The following NTN4 variants were observed in gnomAD, a reference collection of about 807,000 sequenced individuals.
NTN4 encodes netrin-4.
NTN4 carries 32 observed loss-of-function variants against 73.6 expected under a neutral mutation model. The ratio of observed to expected loss-of-function variants is 0.44; its 90% CI spans 0.33 to 0.58. The LOEUF (loss-of-function observed/expected upper bound fraction) is 0.58. Ranked by LOEUF, NTN4 falls within the 20% of genes least tolerant of loss-of-function variation. The pLI is 0.04. For synonymous variants in NTN4, 258 were observed against 287.5 expected (o/e 0.90, Z 1.04); for missense variants, 654 against 798.3 (o/e 0.82, Z 2.18).
intron 2 of NTN4, among the ~76,000 whole-genome samples, chr12:95,771,220 A>G (rs1270357578): frequency 6.6e-6 from 1 of 151,910 alleles, no homozygotes; most frequent in African/African-American, 2.4e-5. Flanking sequence ...CGATCTCCTG[A>G]CCTCGAGATC....
chr12:95,728,262 A>C (rs1259234953), intron 3 of NTN4, among the ~76,000 whole-genome samples: 1 of 152,104 alleles, frequency 6.6e-6, no homozygotes, highest in African/African-American at 2.4e-5. Flanking sequence ...TTCCTTTCTA[A>C]TCTGAATGCT....
chr12:95,661,420 G>A (rs1171904649), intron 9 of NTN4, among the ~76,000 whole-genome samples: 1 of 152,168 alleles, frequency 6.6e-6, no homozygotes, highest in Admixed American at 6.5e-5. Context: ...ATCAGTTGGC[G>A]ATAAAGTCAT....
intron 2 of NTN4, among the ~76,000 whole-genome samples, chr12:95,741,430 TATATA>T (rs2078823726): frequency 1.8e-4 from 2 of 11,260 alleles, no homozygotes; most frequent in Admixed American, 5.5e-4. Flanking sequence ...GTATAAATTA[TATATA>T]TATATATATA....
intron 5 of NTN4, among the ~76,000 whole-genome samples, chr12:95,704,781 C>T (rs1421169463): frequency 6.6e-6 from 1 of 152,112 alleles, no homozygotes; most frequent in Non-Finnish European, 1.5e-5. Context: ...GGCATCTCTG[C>T]CCCAAATGTA....
chr12:95,761,785 C>A (rs1421265988), intron 2 of NTN4, among the ~76,000 whole-genome samples: 2 of 152,086 alleles, frequency 1.3e-5, no homozygotes, highest in Non-Finnish European at 2.9e-5. Flanking sequence ...TTAAGTCTAC[C>A]TAATTATATC....
At chr12:95,675,279 C>T (rs1045186867) in intron 7 of NTN4, among the ~76,000 whole-genome samples, 1 of 152,176 alleles carries the variant, frequency 6.6e-6, no homozygotes, top group African/African-American at 2.4e-5. Flanking sequence ...AACCATGATA[C>T]AGATGGGCAA....
At chr12:95,688,779 GA>G (rs3047215) in intron 5 of NTN4, among the ~76,000 whole-genome samples, 1,674 of 138,742 alleles carry the variant, frequency 0.012, 26 homozygotes, top group African/African-American at 0.039. Flanking sequence ...AGAAGGAGGA[GA>G]AAAAAAAAAA....
At chr12:95,729,632 A>AGTGTGTGTGTGT (rs758891542) in intron 3 of NTN4, among the ~76,000 whole-genome samples, 1 of 124,088 alleles carries the variant, frequency 8.1e-6, no homozygotes, top group East Asian at 2.3e-4. Flanking sequence ...AGAGAGAGAG[A>AGTGTGTGTGTGT]GTGTGTGTGT....
chr12:95,690,620 A>G (rs906902761), intron 5 of NTN4, among the ~76,000 whole-genome samples: 1 of 152,034 alleles, frequency 6.6e-6, no homozygotes, highest in Non-Finnish European at 1.5e-5. Flanking sequence ...ATTCATTTGG[A>G]TTATATAATA....
At position 95,658,268 on chromosome 12, in the gene NTN4, C is replaced by T. The variant is rs867688789; in HGVS notation, c.*818G>A. ...AAGCATATGTCTACATTTATGATTT[C>T]TTTCTCTTATTTTAAAGTCTCTTCT... On this transcript the variant is annotated 3_prime_UTR_variant, in exon 10 of 10. Transcript: ENST00000343702. 6.6e-6 allele frequency: 1 copy of T among 152,144 alleles called. No individual in the cohort carries two copies. The highest frequency in any genetic ancestry group is 6.6e-5 in the Admixed American group (1 of 15,262). The allele number at this position is 152,144 out of a possible 1,614,324, so 9.4% of individuals were successfully genotyped here.
chr12:95,682,333 C>T (rs1168994972), intron 7 of NTN4, among the ~76,000 whole-genome samples: 3 of 151,832 alleles, frequency 2.0e-5, no homozygotes, highest in East Asian at 1.9e-4. Context: ...GGATTATACT[C>T]ACCCCACTCA....
intron 2 of NTN4, among the ~76,000 whole-genome samples, chr12:95,768,973 A>G (rs887828805): frequency 6.6e-6 from 1 of 152,146 alleles, no homozygotes; most frequent in African/African-American, 2.4e-5. Context: ...CCATGTATAC[A>G]TCTATTTTCT....
At chr12:95,751,415 G>A (rs1400707119) in intron 2 of NTN4, among the ~76,000 whole-genome samples, 19 of 152,120 alleles carry the variant, frequency 1.2e-4, no homozygotes, top group South Asian at 4.1e-4. Flanking sequence ...GCGGCCAGGC[G>A]TTCCTCCAGA....
At chr12:95,750,606 T>C (rs993133666) in intron 2 of NTN4, among the ~76,000 whole-genome samples, 8 of 152,204 alleles carry the variant, frequency 5.3e-5, no homozygotes, top group Non-Finnish European at 1.0e-4. Context: ...GGCATTCTTT[T>C]ACACATCAGT....
At chr12:95,693,100 T>C (rs1026424252) in intron 5 of NTN4, among the ~76,000 whole-genome samples, 2 of 152,200 alleles carry the variant, frequency 1.3e-5, no homozygotes, top group Non-Finnish European at 2.9e-5. Flanking sequence ...CAAAGGGTTA[T>C]TGAACTTTAA....
chr12:95,665,275 TTTTG>T (rs1277879313), intron 9 of NTN4, among the ~76,000 whole-genome samples: 33 of 152,334 alleles, frequency 2.2e-4, no homozygotes, highest in African/African-American at 7.2e-4. Flanking sequence ...ACAGTTTTTG[TTTTG>T]TTTATTTCTG....
intron 3 of NTN4, among the ~76,000 whole-genome samples, chr12:95,735,057 A>G (rs953820185): frequency 9.2e-5 from 14 of 152,168 alleles, no homozygotes; most frequent in African/African-American, 3.4e-4. Context: ...AAAACAAAAC[A>G]AAAACCACAT....
At chr12:95,778,473 A>T (rs1242214764) in intron 2 of NTN4, among the ~76,000 whole-genome samples, 1 of 152,176 alleles carries the variant, frequency 6.6e-6, no homozygotes, top group Non-Finnish European at 1.5e-5. Context: ...AAAATGATAA[A>T]GGGGATATCA....
intron 2 of NTN4, among the ~76,000 whole-genome samples, chr12:95,763,672 T>C (rs1592710716): frequency 6.6e-6 from 1 of 152,230 alleles, no homozygotes; most frequent in Non-Finnish European, 1.5e-5. Flanking sequence ...CATTTTCCTC[T>C]CCACGATGTC....
Sources: gnomAD v4.1 joint callset for allele counts (sites outside exome capture counted in the v4.1 genomes callset) on GRCh38, gnomAD v4.1.1 for gene constraint, MANE v1.5 for transcripts, NCBI Gene and HGNC (gene_info 2026-07-23, HGNC 2026-07-21) for gene names.